The following TARS1 variants were observed in gnomAD, a reference collection of about 807,000 sequenced individuals.
The protein encoded by TARS1 is threonyl-tRNA synthetase 1, also known as threonine--tRNA ligase 1, cytoplasmic.
TARS1 carries 57 observed loss-of-function variants against 97.7 expected under a neutral mutation model. The observed-to-expected ratio is 0.58, with a 90% CI of 0.47 to 0.73. The LOEUF (loss-of-function observed/expected upper bound fraction) is 0.73, where lower values mean the gene tolerates loss of function less well. Ranked by LOEUF, TARS1 falls within the 30% of genes least tolerant of loss-of-function variation. TARS1 has a pLI of 0.00. For missense variants in TARS1, 806 were observed against 888.3 expected (o/e 0.91, Z 1.18); for synonymous variants, 312 against 293.7 (o/e 1.06, Z -0.64).
intron 17 of TARS1, among the ~76,000 whole-genome samples, chr5:33,464,870 G>T (rs1304770985): frequency 6.6e-6 from 1 of 151,804 alleles, no homozygotes; most frequent in Non-Finnish European, 1.5e-5. Context: ...GAGGTCAGGA[G>T]ATCAAGACCA....
At chr5:33,445,755 A>G (rs373696528) in intron 2 of TARS1, among the ~76,000 whole-genome samples, 1 of 152,224 alleles carries the variant, frequency 6.6e-6, no homozygotes, top group South Asian at 2.1e-4. Context: ...GTTAGGGAAT[A>G]GAGACTTGGT....
At position 33,455,723 on chromosome 5, in the gene TARS1, C is replaced by T. The variant is rs370124531; in HGVS notation, c.693+19C>T. 1.2e-4 allele frequency: 186 copies of T among 1,493,840 alleles called. 1 individual carries two copies. Among genetic ancestry groups the T allele is most frequent in the Non-Finnish European group, 1.5e-4 (160 of 1,073,602 alleles). The allele number at this position is 1,493,840 out of a possible 1,614,324, so 92.5% of individuals were successfully genotyped here. A position where few individuals can be genotyped will look rare whatever the true frequency, so the allele number is the denominator to read the frequency against. The stretch of plus-strand genomic sequence containing the variant: ...GTTTAAGGTAAATTGAACCATAGTG[C>T]GTGGCCCCCACTGTTAATATCATTT... On this transcript the variant is annotated intron_variant, in intron 6 of 18. Coordinates refer to ENST00000265112, the MANE Select transcript of TARS1 (RefSeq NM_152295.5).
At chr5:33,462,854 A>T (rs1367734918) in intron 16 of TARS1, among the ~76,000 whole-genome samples, 6 of 152,216 alleles carry the variant, frequency 3.9e-5, no homozygotes, top group Admixed American at 6.5e-5. Flanking sequence ...AAACTTTTGT[A>T]AAATGACGTA....
chr5:33,463,244 A>AT (rs1442484845), intron 16 of TARS1, among the ~76,000 whole-genome samples: 1 of 152,202 alleles, frequency 6.6e-6, no homozygotes, highest in Non-Finnish European at 1.5e-5. Flanking sequence ...GGATGGGCTT[A>AT]TTTTTTAATA....
chr5:33,457,793 A>G (rs761561291), intron 9 of TARS1, among the ~76,000 whole-genome samples: 22 of 152,366 alleles, frequency 1.4e-4, no homozygotes, highest in Non-Finnish European at 2.9e-4. Context: ...GTTTAGCAGC[A>G]TGTCGCACAT....
At position 33,455,995 on chromosome 5, in the gene TARS1, T is replaced by C. The variant is rs200556431; in HGVS notation, c.694-7T>C. ...TTTTTTAAAATAATAATTTTTCCTG[T>C]TTTCAGTACAACAAGTTCAAATGCC... On this transcript the variant is annotated splice_region_variant and splice_polypyrimidine_tract_variant and intron_variant, in intron 6 of 18. Coordinates refer to ENST00000265112, the MANE Select transcript of TARS1 (RefSeq NM_152295.5). The C allele has an allele frequency of 2.4e-5, 38 of 1,613,038 alleles. No homozygotes were observed. The African/African-American group carries it at 4.3e-4, about 18-fold the overall frequency.
Position 33,448,683 on chromosome 5 carries a change from A to T in TARS1, c.281A>T (p.Asp94Val). Reference protein sequence around the residue: ...KVTLPDGKQVDAESWKTTPYQ... With the variant: ...KVTLPDGKQVVAESWKTTPYQ... The stretch of plus-strand genomic sequence containing the variant: ...ACTTTGCCTGATGGTAAACAGGTTG[A>T]TGCGGAATCTTGGAAAACTACACCA... The change falls in exon 3 of 19, where the codon GAT becomes GTT. Residue 94 changes from aspartate to valine, a missense_variant. Physicochemically the swap from Asp to Val is radical, Grantham distance 152 (BLOSUM62 -3). Coordinates refer to ENST00000265112, the MANE Select transcript of TARS1 (RefSeq NM_152295.5). 3 of 1,613,892 alleles carry T rather than the reference A, an allele frequency of 1.9e-6. No homozygotes were observed. Among genetic ancestry groups the T allele is most frequent in the Non-Finnish European group, 2.5e-6 (3 of 1,179,896 alleles).
intron 1 of TARS1, among the ~76,000 whole-genome samples, chr5:33,442,320 CTTTTTTTTT>C (rs763508345): frequency 7.6e-5 from 8 of 104,610 alleles, no homozygotes; most frequent in South Asian, 6.8e-4. Context: ...TGTTTTGTAA[CTTTTTTTTT>C]TTTTTTTTTT....
At chr5:33,440,800 C>A, upstream of TARS1, 1 of 536,304 alleles carries the variant, frequency 1.9e-6, no homozygotes. Context: ...AGGCATGTAG[C>A]TTCTGCAGTT....
chr5:33,441,269 G>T (rs1418437494), intron 1 of TARS1, 126 bp downstream of exon 1: 3 of 1,121,620 alleles, frequency 2.7e-6, no homozygotes, highest in Non-Finnish European at 4.0e-6. Context: ...GGAGAAGTGG[G>T]GGATGGTGGG....
intron 17 of TARS1, among the ~76,000 whole-genome samples, 154 bp downstream of exon 17, chr5:33,463,979 T>C (rs1742418023): frequency 6.6e-6 from 1 of 152,266 alleles, no homozygotes; most frequent in Admixed American, 6.5e-5. Context: ...ATTATATTAC[T>C]TCTTTAATGC....
chr5:33,461,173 A>G lies in TARS1; in HGVS notation c.1429A>G (p.Lys477Glu), dbSNP rs749683651. Residue 477 changes from lysine (K) to glutamate (E), a missense_variant, in exon 13 of 19, where the codon AAA (lysine) becomes GAA (glutamate). Coordinates refer to ENST00000265112, the MANE Select transcript of TARS1 (RefSeq NM_152295.5). ...TAATTTGAAGATTGAAGATGAAATAAAAGGTTGTTTGGATTTTCTACGTAC... is the reference window on the plus strand; with the variant it reads ...TAATTTGAAGATTGAAGATGAAATAGAAGGTTGTTTGGATTTTCTACGTAC... ...CAMEQIEDEI[K>E]GCLDFLRTVY... 1.2e-6 allele frequency: 2 copies of G among 1,606,756 alleles called. No individual in the cohort carries two copies. The highest frequency in any genetic ancestry group is 1.7e-5 in the Admixed American group (1 of 58,844).
At chr5:33,443,306 CCTCTCTCTCTCTCCCTCT>C (rs1320843051) in intron 1 of TARS1, among the ~76,000 whole-genome samples, 23 of 85,512 alleles carry the variant, frequency 2.7e-4, no homozygotes, top group African/African-American at 6.1e-4. Context: ...GTGGTGATTC[CCTCTCTCTCTCTCCCTCT>C]CTCTCTCTCT....
intron 16 of TARS1, among the ~76,000 whole-genome samples, chr5:33,463,165 G>GAAAA (rs1742374130): frequency 6.6e-6 from 1 of 152,188 alleles, no homozygotes; most frequent in Non-Finnish European, 1.5e-5. Context: ...GAATGATGGA[G>GAAAA]AAAAACATTA....
chr5:33,460,003 T>G (rs1048322506), intron 11 of TARS1, 142 bp downstream of exon 11: 12 of 826,282 alleles, frequency 1.5e-5, no homozygotes, highest in Non-Finnish European at 2.1e-5. Context: ...TTGTATTATA[T>G]CTTCTGCACC....
In TARS1 at chr5:33,448,734, A is replaced by G. The variant is rs772390660; in HGVS notation, c.329+3A>G. The G allele has an allele frequency of 2.5e-6, 4 of 1,611,142 alleles. No individual in the cohort carries two copies. Among genetic ancestry groups the G allele is most frequent in the African/African-American group, 1.3e-5 (1 of 74,840 alleles). ...TATCAAATTGCCTGTGGAATTAGGT[A>G]TAAGCTACACCCATCATGACCTTCC... On this transcript the variant is annotated splice_donor_region_variant and intron_variant, in intron 3 of 18. Transcript: ENST00000265112.
At chr5:33,450,198 A>C (rs572043147) in intron 3 of TARS1, among the ~76,000 whole-genome samples, 1 of 152,322 alleles carries the variant, frequency 6.6e-6, no homozygotes, top group African/African-American at 2.4e-5. Context: ...TTATTTTATA[A>C]TTATATATTT....
chr5:33,459,826 G>T lies in TARS1; in HGVS notation c.1215G>T (p.Leu405=). 6.2e-7 allele frequency: 1 copy of T among 1,614,118 alleles called. No individual in the cohort carries two copies. The highest frequency in any genetic ancestry group is 8.5e-7 in the Non-Finnish European group (1 of 1,179,988). The change falls in exon 11 of 19, where the codon CTG becomes CTT. Residue 405 remains leucine (L), a synonymous_variant. Transcript: ENST00000265112. ...TCTCCTTTGAGGTGGAGAAGGAGCTGTTTGCCCTGAAACCCATGAACTGCC... is the reference window on the plus strand; with the variant it reads ...TCTCCTTTGAGGTGGAGAAGGAGCTTTTTGCCCTGAAACCCATGAACTGCC... ...NMFSFEVEKE[L]FALKPMNCPG...
rs368104671 is a variant in TARS1 at position 33,443,791 on chromosome 5, A to C, written c.58-1533A>C. Among the ~76,000 whole-genome samples the C allele has an allele frequency of 9.9e-5, 15 of 152,192 alleles. No homozygotes were observed. The East Asian group carries it at 2.9e-3, about 29-fold the overall frequency. ...ATTACAGGCATGAGCCACCGCGCCC[A>C]GCCGCAATTTTTCTTTTTACCCAGT... On this transcript the variant is annotated intron_variant, in intron 1 of 18. Coordinates refer to ENST00000265112, the MANE Select transcript of TARS1 (RefSeq NM_152295.5).
Sources: gnomAD v4.1 joint callset for allele counts (sites outside exome capture counted in the v4.1 genomes callset) on GRCh38, gnomAD v4.1.1 for gene constraint, MANE v1.5 for transcripts, NCBI Gene and HGNC (gene_info 2026-07-23, HGNC 2026-07-21) for gene names.